Variants in ZNF804B observed in about 807,000 individuals in gnomAD.
ZNF804B encodes zinc finger 804B.
A neutral mutation model predicts 101.4 loss-of-function variants in ZNF804B; 80 were observed. That is an observed-to-expected ratio of 0.79 (90% CI 0.66 to 0.95). ZNF804B has a LOEUF of 0.95. Ranked by LOEUF, ZNF804B falls within the 40% of genes least tolerant of loss-of-function variation. The pLI is 0.00. For synonymous variants in ZNF804B, 622 were observed against 558.8 expected (o/e 1.11, Z -1.59); for missense variants, 1,673 against 1,561.9 (o/e 1.07, Z -1.20).
At chr7:89,121,752 G>T (rs1456735000) in intron 1 of ZNF804B, among the ~76,000 whole-genome samples, 1 of 152,036 alleles carries the variant, frequency 6.6e-6, no homozygotes, top group Non-Finnish European at 1.5e-5. Context: ...CTTTATTTTG[G>T]TAATTGTGTT....
chr7:88,835,016 CAG>C (rs1791190503), intron 1 of ZNF804B, among the ~76,000 whole-genome samples: 1 of 151,766 alleles, frequency 6.6e-6, no homozygotes, highest in South Asian at 2.1e-4. Context: ...ACTGAACTTT[CAG>C]AGGTCTCCTA....
chr7:89,262,956 T>A (rs1789732063), intron 2 of ZNF804B, among the ~76,000 whole-genome samples: 1 of 146,872 alleles, frequency 6.8e-6, no homozygotes, highest in South Asian at 2.2e-4. Context: ...TATTTGCTGC[T>A]TTCTTGTGCA....
chr7:89,300,661 G>A (rs1202796268), intron 2 of ZNF804B, among the ~76,000 whole-genome samples: 2 of 151,900 alleles, frequency 1.3e-5, no homozygotes, highest in Non-Finnish European at 2.9e-5. Flanking sequence ...GAGAGGCAGA[G>A]TAGAGAGAAT....
At chr7:89,206,038 C>T (rs1044855700) in intron 1 of ZNF804B, among the ~76,000 whole-genome samples, 1 of 152,220 alleles carries the variant, frequency 6.6e-6, no homozygotes, top group African/African-American at 2.4e-5. Context: ...CACGTGGAAG[C>T]TGCCAAGGCT....
chr7:89,048,070 A>T (rs137884942), intron 1 of ZNF804B, among the ~76,000 whole-genome samples: 52 of 152,174 alleles, frequency 3.4e-4, no homozygotes, highest in Non-Finnish European at 7.4e-4. Flanking sequence ...ACTGCACACT[A>T]TTCGTAGTCT....
chr7:88,863,701 A>G (rs777115317), intron 1 of ZNF804B, among the ~76,000 whole-genome samples: 9 of 152,234 alleles, frequency 5.9e-5, no homozygotes, highest in Non-Finnish European at 1.0e-4. Flanking sequence ...AGGCTTTCTA[A>G]GGAAGTGACA....
intron 2 of ZNF804B, among the ~76,000 whole-genome samples, chr7:89,260,116 A>T (rs1324688196): frequency 3.3e-5 from 5 of 152,206 alleles, no homozygotes. Flanking sequence ...GCATCAGTGA[A>T]ATTAATCCAG....
At chr7:88,805,275 T>A (rs1008051789) in intron 1 of ZNF804B, among the ~76,000 whole-genome samples, 1 of 152,220 alleles carries the variant, frequency 6.6e-6, no homozygotes, top group African/African-American at 2.4e-5. Context: ...TATTTCTTTT[T>A]AAAGTAACAG....
At chr7:88,966,501 C>G (rs980253559) in intron 1 of ZNF804B, among the ~76,000 whole-genome samples, 21 of 151,500 alleles carry the variant, frequency 1.4e-4, no homozygotes, top group Admixed American at 2.0e-4. Context: ...AGTGCTCTTC[C>G]TCCAGTTAAT....
intron 1 of ZNF804B, among the ~76,000 whole-genome samples, chr7:88,813,572 T>C (rs771047247): frequency 2.0e-5 from 3 of 152,202 alleles, no homozygotes; most frequent in Non-Finnish European, 4.4e-5. Flanking sequence ...ATGTTTTTGA[T>C]ATAAACTCTT....
At chr7:89,242,087 T>G (rs1270308261) in intron 2 of ZNF804B, among the ~76,000 whole-genome samples, 2 of 151,908 alleles carry the variant, frequency 1.3e-5, no homozygotes, top group Non-Finnish European at 2.9e-5. Flanking sequence ...TTTATTTCAA[T>G]CAAAGTGCAT....
At chr7:89,153,451 AT>A (rs1790909031) in intron 1 of ZNF804B, among the ~76,000 whole-genome samples, 1 of 150,000 alleles carries the variant, frequency 6.7e-6, no homozygotes, top group Non-Finnish European at 1.5e-5. Flanking sequence ...AATAATAATA[AT>A]AATAATAATA....
chr7:89,196,005 T>C (rs1053039139), intron 1 of ZNF804B, among the ~76,000 whole-genome samples: 4 of 152,088 alleles, frequency 2.6e-5, no homozygotes, highest in Admixed American at 6.6e-5. Flanking sequence ...TTTGAAGCTA[T>C]TCCCATTAAA....
intron 1 of ZNF804B, among the ~76,000 whole-genome samples, chr7:89,145,019 T>C (rs1450507119): frequency 6.6e-6 from 1 of 151,868 alleles, no homozygotes; most frequent in African/African-American, 2.4e-5. Context: ...GATGGGAGGA[T>C]TGCTTAAGCT....
intron 1 of ZNF804B, among the ~76,000 whole-genome samples, chr7:89,160,695 C>A (rs1246145059): frequency 2.0e-5 from 3 of 152,054 alleles, no homozygotes; most frequent in African/African-American, 7.2e-5. Context: ...CCATTTGGGA[C>A]TTTTGTGGTT....
intron 1 of ZNF804B, among the ~76,000 whole-genome samples, chr7:88,845,297 G>GCACACACATA (rs200482259): frequency 8.3e-6 from 1 of 119,812 alleles, no homozygotes; most frequent in Non-Finnish European, 1.7e-5. Context: ...GCGCGCACGC[G>GCACACACATA]CGCGCACACA....
chr7:89,058,785 C>G (rs747177357), intron 1 of ZNF804B, among the ~76,000 whole-genome samples: 33 of 152,144 alleles, frequency 2.2e-4, no homozygotes, highest in Non-Finnish European at 4.7e-4. Flanking sequence ...CCTTGACCTC[C>G]CAGGCTCAGG....
chr7:89,334,742 C>T lies in ZNF804B; in HGVS notation c.1760C>T (p.Ser587Phe), dbSNP rs1823488534. Residue 587 changes from serine to phenylalanine, a missense_variant, in exon 4 of 4, where the codon TCT becomes TTT. Coordinates refer to ENST00000333190, the MANE Select transcript of ZNF804B (RefSeq NM_181646.5). The part of the protein sequence containing the change: ...NPKVPLYLNT[S>F]LKDCAGKNNS... ...AAAGTGCCTCTTTACCTCAACACATCTCTAAAGGATTGTGCTGGAAAGAAT... is the reference window on the plus strand; with the variant it reads ...AAAGTGCCTCTTTACCTCAACACATTTCTAAAGGATTGTGCTGGAAAGAAT... 6.2e-7 allele frequency: 1 copy of T among 1,613,732 alleles called. No individual in the cohort carries two copies. Among genetic ancestry groups the T allele is most frequent in the Non-Finnish European group, 8.5e-7 (1 of 1,179,804 alleles).
At chr7:88,794,313 T>C in intron 1 of ZNF804B, 4 of 1,613,882 alleles carry the variant, frequency 2.5e-6, no homozygotes, top group African/African-American at 2.7e-5. Flanking sequence ...TGATTTGTTC[T>C]GGGAGGAGTA....
Sources: gnomAD v4.1 joint callset for allele counts (sites outside exome capture counted in the v4.1 genomes callset) on GRCh38, gnomAD v4.1.1 for gene constraint, MANE v1.5 for transcripts, NCBI Gene and HGNC (gene_info 2026-07-23, HGNC 2026-07-21) for gene names.